Variants in NT5M observed in about 807,000 individuals in gnomAD.
NT5M encodes 5',3'-nucleotidase, mitochondrial.
Under a neutral mutation model 22.2 loss-of-function variants are expected in NT5M, and 22 were observed. That is an observed-to-expected ratio of 0.99 (90% CI 0.71 to 1.41). The LOEUF (loss-of-function observed/expected upper bound fraction) is 1.41. NT5M is among the 40% of genes most tolerant of loss of function. The pLI, the probability that NT5M is intolerant of heterozygous loss-of-function variation, is 0.00. For synonymous variants in NT5M, 167 were observed against 133.0 expected, an observed-to-expected ratio of 1.26 and a Z score of -1.76; for missense variants, 322 against 314.8, an observed-to-expected ratio of 1.02 and a Z score of -0.17.
intron 2 of NT5M, among the ~76,000 whole-genome samples, chr17:17,309,828 TTTG>T (rs1490552343): frequency 1.3e-5 from 2 of 150,084 alleles, no homozygotes; most frequent in African/African-American, 2.5e-5. Context: ...TTTTGTGGTT[TTTG>T]TTTTTTTTTT....
chr17:17,333,274 C>A (rs999510088), intron 3 of NT5M, among the ~76,000 whole-genome samples: 1 of 152,062 alleles, frequency 6.6e-6, no homozygotes, highest in African/African-American at 2.4e-5. Flanking sequence ...TATTTTATCC[C>A]AGTCTGTGAT....
At chr17:17,315,130 A>T (rs898557463) in intron 2 of NT5M, among the ~76,000 whole-genome samples, 6 of 146,598 alleles carry the variant, frequency 4.1e-5, no homozygotes, top group South Asian at 2.1e-4. Flanking sequence ...TTGTTGATTT[A>T]AAAAAAAATT....
At chr17:17,306,980 G>A (rs953688836) in intron 2 of NT5M, among the ~76,000 whole-genome samples, 14 of 148,526 alleles carry the variant, frequency 9.4e-5, no homozygotes, top group Admixed American at 2.7e-4. Context: ...GGCGGATCAC[G>A]TGAGGTCGGG....
chr17:17,345,698 C>G (rs1174873743), intron 4 of NT5M, among the ~76,000 whole-genome samples: 1 of 151,512 alleles, frequency 6.6e-6, no homozygotes, highest in Non-Finnish European at 1.5e-5. Flanking sequence ...GTGGTCCCTG[C>G]TACTCTGGAG....
Position 17,323,210 on chromosome 17 carries a change from C to A in NT5M, c.394C>A (p.Pro132Thr). 1 of 1,614,104 alleles carries A rather than the reference C, an allele frequency of 6.2e-7. No homozygotes were observed. The highest frequency in any genetic ancestry group is 2.2e-5 in the East Asian group (1 of 44,878). ...CACTGACGTCTTCATCTGCACAAGC[C>A]CCATCAAGATGTTCAAGTACTGTCC... ...QNTDVFICTS[P>T]IKMFKYCPYE... Residue 132 changes from proline (P) to threonine (T), a missense_variant, in exon 3 of 5, where the codon CCC becomes ACC. Physicochemically the swap from Pro to Thr is conservative, Grantham distance 38. Coordinates refer to ENST00000389022, the MANE Select transcript of NT5M (RefSeq NM_020201.4).
At chr17:17,306,399 C>T in intron 1 of NT5M, 144 bp from the exon 2 acceptor site, 1 of 687,558 alleles carries the variant, frequency 1.5e-6, no homozygotes, top group Non-Finnish European at 2.6e-6. Context: ...CGCACTACCC[C>T]CAGGAAGTAC....
At position 17,346,758 on chromosome 17, in the gene NT5M, G is replaced by A. The variant is rs767950723; in HGVS notation, c.545-47G>A. On this transcript the variant is annotated intron_variant, in intron 4 of 4. Transcript: ENST00000389022. ...CCAGGTTTCCACCCTAGGCGGCTGC[G>A]CTCCAGGTCTCCACTGCTGAGCTGA... 54 of 1,601,268 alleles carry A rather than the reference G, an allele frequency of 3.4e-5. 1 individual carries two copies. Among genetic ancestry groups the A allele is most frequent in the Admixed American group, 2.2e-4 (13 of 59,928 alleles).
At chr17:17,329,418 C>T (rs1441638240) in intron 3 of NT5M, among the ~76,000 whole-genome samples, 1 of 152,214 alleles carries the variant, frequency 6.6e-6, no homozygotes, top group Non-Finnish European at 1.5e-5. Context: ...ACTGCCTCTT[C>T]TCGGACTCCT....
intron 3 of NT5M, among the ~76,000 whole-genome samples, chr17:17,331,196 AGGAGCTTCCCCT>A (rs1476171609): frequency 2.0e-5 from 3 of 151,568 alleles, no homozygotes; most frequent in African/African-American, 7.3e-5. Flanking sequence ...GCCAGCATTC[AGGAGCTTCCCCT>A]GGAGCTCCTG....
chr17:17,326,569 G>C (rs1193048503), intron 3 of NT5M, among the ~76,000 whole-genome samples: 2 of 152,216 alleles, frequency 1.3e-5, no homozygotes, highest in Non-Finnish European at 2.9e-5. Context: ...CCCGCAGACC[G>C]TCTCTCCAGC....
intron 1 of NT5M, chr17:17,304,395 C>G (rs2048748153): frequency 1.0e-6 from 1 of 985,198 alleles, no homozygotes; most frequent in Admixed American, 6.2e-5. Context: ...GAGCTCAACC[C>G]CTACCATCCG....
rs191790713 is a variant in NT5M at position 17,318,974 on chromosome 17, G to A, written c.369-4211G>A. Among the ~76,000 whole-genome samples, 159 of 151,952 alleles carry A rather than the reference G, an allele frequency of 1.0e-3. 1 individual carries two copies. Among genetic ancestry groups the A allele is most frequent in the African/African-American group, 3.5e-3 (143 of 41,434 alleles). The stretch of plus-strand genomic sequence containing the variant: ...CCCTGTAATCCCAGTGCTTTGGGAG[G>A]CCGAGGCACGTGGATCACCAGAGGT... On this transcript the variant is annotated intron_variant, in intron 2 of 4. Coordinates refer to ENST00000389022, the MANE Select transcript of NT5M (RefSeq NM_020201.4).
chr17:17,315,008 A>G (rs796091080), intron 2 of NT5M, among the ~76,000 whole-genome samples: 12 of 152,308 alleles, frequency 7.9e-5, no homozygotes, highest in African/African-American at 2.6e-4. Flanking sequence ...CCCTGAGGTC[A>G]GGGATTGTCT....
Position 17,331,894 on chromosome 17 carries a change from C to T in NT5M, c.429+8649C>T, listed in dbSNP as rs563496898. ...CTCCTGGGTTCACACCATTCTCCTG[C>T]CTTGGCCTCCCAAGTAGCTGGGACT... On this transcript the variant is annotated intron_variant, in intron 3 of 4. Transcript: ENST00000389022. 7.3e-5 allele frequency among the ~76,000 whole-genome samples: 11 copies of T among 151,448 alleles called. 1 individual carries two copies. The highest frequency in any genetic ancestry group is 2.7e-4 in the African/African-American group (11 of 40,832).
At chr17:17,308,329 C>T (rs113555096) in intron 2 of NT5M, among the ~76,000 whole-genome samples, 1,692 of 152,234 alleles carry the variant, frequency 0.011, 18 homozygotes, top group Non-Finnish European at 0.017. Flanking sequence ...CGCCGTGGCT[C>T]ATGCCTACAA....
chr17:17,317,055 G>GTTT (rs34446504), intron 2 of NT5M, among the ~76,000 whole-genome samples: 4 of 132,206 alleles, frequency 3.0e-5, no homozygotes, highest in Admixed American at 7.8e-5. Flanking sequence ...TTTTGTTTTT[G>GTTT]TTTTTTTTTT....
intron 3 of NT5M, among the ~76,000 whole-genome samples, chr17:17,340,213 T>G (rs1314714733): frequency 6.6e-6 from 1 of 152,212 alleles, no homozygotes; most frequent in Non-Finnish European, 1.5e-5. Context: ...CTTGGTAGAT[T>G]GCATGTATCT....
At chr17:17,344,977 G>C (rs968615053) in intron 4 of NT5M, 69 bp downstream of exon 4, 10 of 1,600,934 alleles carry the variant, frequency 6.2e-6, no homozygotes, top group Admixed American at 3.4e-5. Context: ...CTCCTGGGCA[G>C]TGAGCACTCA....
At chr17:17,315,929 T>C (rs2049017611) in intron 2 of NT5M, among the ~76,000 whole-genome samples, 1 of 151,484 alleles carries the variant, frequency 6.6e-6, no homozygotes, top group Admixed American at 6.6e-5. Flanking sequence ...TTTTTTTTTG[T>C]ATTTTTTAGT....
Sources: allele counts gnomAD v4.1 joint callset (sites outside exome capture counted in the v4.1 genomes callset), GRCh38; gene constraint gnomAD v4.1.1; transcripts MANE v1.5; gene names NCBI Gene and HGNC (gene_info 2026-07-23, HGNC 2026-07-21).